Variants in PRDM11 observed in about 807,000 individuals in gnomAD.
The protein encoded by PRDM11 is PR/SET domain 11.
PRDM11 carries 20 observed loss-of-function variants against 97.8 expected under a neutral mutation model. That is an observed-to-expected ratio of 0.20 (90% CI 0.14 to 0.30). The LOEUF is 0.30. Ranked by LOEUF, PRDM11 falls within the 10% of genes least tolerant of loss-of-function variation. PRDM11 has a pLI of 1.00. For missense variants in PRDM11, 1,139 were observed against 1,555.2 expected (o/e 0.73, Z 4.50); for synonymous variants, 599 against 637.7 (o/e 0.94, Z 0.91).
At chr11:45,204,542 CA>C (rs1348806880) in intron 4 of PRDM11, among the ~76,000 whole-genome samples, 168 bp from the exon 5 acceptor site, 2 of 152,012 alleles carry the variant, frequency 1.3e-5, no homozygotes, top group African/African-American at 2.4e-5. Context: ...GGGCAGGTAG[CA>C]GAGATTCTGA....
chr11:45,115,544 T>C (rs1008521150), intron 1 of PRDM11, among the ~76,000 whole-genome samples: 1 of 152,130 alleles, frequency 6.6e-6, no homozygotes, highest in African/African-American at 2.4e-5. Context: ...AAAGAACCAA[T>C]TGTGTTCTCT....
At chr11:45,207,761 C>A (rs1185461485) in intron 5 of PRDM11, among the ~76,000 whole-genome samples, 1 of 152,100 alleles carries the variant, frequency 6.6e-6, no homozygotes, top group Non-Finnish European at 1.5e-5. Flanking sequence ...GTAATGAGGC[C>A]CCCAGCCTTC....
chr11:45,211,534 G>GTGCGGTCAGATGCACC (rs140843608), intron 5 of PRDM11, among the ~76,000 whole-genome samples: 1 of 151,862 alleles, frequency 6.6e-6, no homozygotes, highest in Non-Finnish European at 1.5e-5. Flanking sequence ...GATGGCCCCT[G>GTGCGGTCAGATGCACC]TGGATGGGAG....
chr11:45,149,734 G>A (rs918112797), intron 1 of PRDM11, among the ~76,000 whole-genome samples: 2 of 152,262 alleles, frequency 1.3e-5, no homozygotes, highest in Admixed American at 1.3e-4. Flanking sequence ...CTGCCAGCCT[G>A]AGTCCCTGTG....
chr11:45,227,530 G>C lies in PRDM11; in HGVS notation c.2905G>C (p.Val969Leu). Residue 969 changes from valine (V) to leucine (L), a missense_variant, in exon 8 of 8, where the codon GTC becomes CTC. By Grantham distance (32) the Val-to-Leu change is conservative. Coordinates refer to ENST00000683152, the MANE Select transcript of PRDM11 (RefSeq NM_001384648.1). This position sits in a 1 kb window ranked among gnomAD's most constrained non-coding sequence, Gnocchi z 8.0. ...IREKICQKTQ[V>L]ILAQRFDSRS... is the part of the protein sequence containing the mutation. The stretch of plus-strand genomic sequence containing the variant: ...GGAGAAGATCTGCCAGAAGACCCAG[G>C]TCATCCTGGCTCAGAGGTTCGACTC... 6.5e-7 allele frequency: 1 copy of C among 1,533,906 alleles called. No individual in the cohort carries two copies. Among genetic ancestry groups the C allele is most frequent in the South Asian group, 1.2e-5 (1 of 83,968 alleles).
upstream of PRDM11, among the ~76,000 whole-genome samples, chr11:45,142,867 A>G (rs958492576): frequency 6.6e-6 from 1 of 152,204 alleles, no homozygotes; most frequent in African/African-American, 2.4e-5. Flanking sequence ...CCAAATGTGG[A>G]TTTATTTAAA....
intron 1 of PRDM11, among the ~76,000 whole-genome samples, chr11:45,130,345 CA>C (rs2135645383): frequency 6.6e-6 from 1 of 152,104 alleles, no homozygotes; most frequent in East Asian, 1.9e-4. Context: ...AAGATATTGG[CA>C]ATACATATAT....
At chr11:45,180,906 T>A (rs1590411224) in intron 1 of PRDM11, among the ~76,000 whole-genome samples, 1 of 151,680 alleles carries the variant, frequency 6.6e-6, no homozygotes, top group African/African-American at 2.4e-5. Context: ...GGCCGTCACG[T>A]TTCCCCGCAC....
At chr11:45,109,057 C>A (rs1349698421) in intron 1 of PRDM11, among the ~76,000 whole-genome samples, 1 of 152,220 alleles carries the variant, frequency 6.6e-6, no homozygotes, top group African/African-American at 2.4e-5. Context: ...ACACCCCTGG[C>A]CACAGGCCTC....
chr11:45,140,875 A>AT (rs1851387577), intron 1 of PRDM11, among the ~76,000 whole-genome samples: 1 of 152,168 alleles, frequency 6.6e-6, no homozygotes, highest in Admixed American at 6.5e-5. Context: ...TGAATCCAAC[A>AT]TTCCCAGCCC....
intron 1 of PRDM11, among the ~76,000 whole-genome samples, chr11:45,112,262 C>A (rs1271842586): frequency 6.6e-6 from 1 of 152,180 alleles, no homozygotes; most frequent in East Asian, 1.9e-4. Flanking sequence ...CAAGTTGCTG[C>A]AAAAGACATT....
intron 5 of PRDM11, among the ~76,000 whole-genome samples, chr11:45,210,016 C>T (rs994155408): frequency 6.6e-6 from 1 of 152,144 alleles, no homozygotes; most frequent in Non-Finnish European, 1.5e-5. Context: ...GCGCTTGGCA[C>T]GTTCCAGGAA....
chr11:45,142,447 C>T (rs535286632), upstream of PRDM11, among the ~76,000 whole-genome samples: 2 of 152,250 alleles, frequency 1.3e-5, no homozygotes, highest in African/African-American at 2.4e-5. Context: ...CACTGAAATG[C>T]CACCTCCTCA....
chr11:45,204,614 A>T, intron 4 of PRDM11, 97 bp from the exon 5 acceptor site: 1 of 1,076,752 alleles, frequency 9.3e-7, no homozygotes, highest in Non-Finnish European at 1.4e-6. Flanking sequence ...GGGAGGGAGC[A>T]GGTGGGACCA....
At chr11:45,153,966 A>G (rs1300946828) in intron 1 of PRDM11, among the ~76,000 whole-genome samples, 1 of 152,138 alleles carries the variant, frequency 6.6e-6, no homozygotes, top group African/African-American at 2.4e-5. Flanking sequence ...TCATTTTTCC[A>G]ATCTTCTTAA....
chr11:45,224,714 T>C lies in PRDM11; in HGVS notation c.1240T>C (p.Cys414Arg), dbSNP rs1854224309. 1 of 1,614,158 alleles carries C rather than the reference T, an allele frequency of 6.2e-7. No homozygotes were observed. Among genetic ancestry groups the C allele is most frequent in the Non-Finnish European group, 8.5e-7 (1 of 1,180,026 alleles). ...TCCCACCACCTCTTTTTGCCCTAAC[T>C]GTATTCGCCTAAAGAAGAAGGTTCG... The part of the protein sequence containing the change: ...ELPTTSFCPN[C>R]IRLKKKVREL... The change falls in exon 7 of 8, where the codon TGT becomes CGT. Residue 414 changes from cysteine to arginine, a missense_variant. Physicochemically the swap from Cys to Arg is radical, Grantham distance 180 (BLOSUM62 -3). Around this residue, in one of 2 missense-constraint regions of PRDM11, gnomAD observed 710 missense variants for 1,044.9 expected, o/e 0.68. Transcript: ENST00000683152.
intron 1 of PRDM11, among the ~76,000 whole-genome samples, chr11:45,140,864 T>C (rs1306732182): frequency 6.6e-6 from 1 of 152,156 alleles, no homozygotes; most frequent in Non-Finnish European, 1.5e-5. Flanking sequence ...TGAATGATGA[T>C]TGAATCCAAC....
intron 5 of PRDM11, among the ~76,000 whole-genome samples, chr11:45,215,356 G>A (rs1247962633): frequency 6.6e-6 from 1 of 152,188 alleles, no homozygotes; most frequent in East Asian, 1.9e-4. Flanking sequence ...TTTCTAGAAG[G>A]TTCTAACTTG....
chr11:45,226,129 C>T lies in PRDM11; in HGVS notation c.1504C>T (p.Arg502Cys), dbSNP rs1323520299. ...EPSKMSSATG[R>C]RIRRFKQEWL... ...CTCCAAGATGTCATCGGCCACCGGG[C>T]GCCGAATCCGGCGCTTTAAGCAGGA... Residue 502 changes from arginine (R) to cysteine (C), a missense_variant, in exon 8 of 8, where the codon CGC becomes TGC. Arg to Cys is a radical substitution (Grantham distance 180). Around this residue, in one of 2 missense-constraint regions of PRDM11, gnomAD observed 710 missense variants for 1,044.9 expected, o/e 0.68. Transcript: ENST00000683152. 1.6e-5 allele frequency: 25 copies of T among 1,533,018 alleles called. No individual in the cohort carries two copies. The highest frequency in any genetic ancestry group is 2.4e-5 in the East Asian group (1 of 40,882). The allele number at this position is 1,533,018 out of a possible 1,614,324, so 95.0% of individuals were successfully genotyped here.
Sources: allele counts gnomAD v4.1 joint callset (sites outside exome capture counted in the v4.1 genomes callset), GRCh38; gene constraint gnomAD v4.1.1; regional missense constraint gnomAD v4.1.1; non-coding constraint Gnocchi (gnomAD v3.1); transcripts MANE v1.5; gene names NCBI Gene and HGNC (gene_info 2026-07-23, HGNC 2026-07-21).